NDUFAF7: variants seen among roughly 807,000 people sequenced by gnomAD.
The protein encoded by NDUFAF7 is NADH:ubiquinone oxidoreductase complex assembly factor 7, also known as protein arginine methyltransferase NDUFAF7, mitochondrial.
A neutral mutation model predicts 47.2 loss-of-function variants in NDUFAF7; 48 were observed. That is an observed-to-expected ratio of 1.02 (90% confidence interval 0.81 to 1.29). NDUFAF7 has a LOEUF of 1.29. Among genes scored for constraint, NDUFAF7 ranks in the 50% most tolerant of loss-of-function variants. NDUFAF7 has a pLI of 0.00. For missense variants in NDUFAF7, 635 were observed against 537.6 expected (o/e 1.18, Z -1.79); for synonymous variants, 217 against 190.0 (o/e 1.14, Z -1.17).
At chr2:37,244,085 T>A in intron 7 of NDUFAF7, 112 bp downstream of exon 7, 1 of 915,072 alleles carries the variant, frequency 1.1e-6, no homozygotes, top group Non-Finnish European at 1.7e-6. Context: ...GAGTTGCTAG[T>A]AGCATACGAG....
At chr2:37,244,668 T>C (rs1176122405) in intron 7 of NDUFAF7, among the ~76,000 whole-genome samples, 1 of 152,190 alleles carries the variant, frequency 6.6e-6, no homozygotes, top group African/African-American at 2.4e-5. Context: ...TTTTACTTTC[T>C]GGACCTTAAC....
At chr2:37,231,783 C>G (rs764577742) in intron 1 of NDUFAF7, 23 bp downstream of exon 1, 1 of 1,614,032 alleles carries the variant, frequency 6.2e-7, no homozygotes, top group Non-Finnish European at 8.5e-7. Context: ...CCCCTCGAAG[C>G]CCGGTTGCCG....
downstream of NDUFAF7, among the ~76,000 whole-genome samples, chr2:37,249,574 C>G (rs779087527): frequency 0.049 from 6,806 of 138,394 alleles, 667 homozygotes; most frequent in East Asian, 0.32. Flanking sequence ...CACACACACA[C>G]ACACACACAC....
chr2:37,244,114 G>GA, intron 7 of NDUFAF7, 141 bp downstream of exon 7: 1 of 726,982 alleles, frequency 1.4e-6, no homozygotes, highest in Non-Finnish European at 2.3e-6. Flanking sequence ...TATTGACAGT[G>GA]AAAGTGCAGA....
Position 37,241,701 on chromosome 2 carries a change from C to T in NDUFAF7, c.532C>T (p.Arg178Ter), listed in dbSNP as rs372572353. ...GACTAAAGAGAAGGTCCCGTTAGAGCGAAATGCTGGATCCCCAGTGTATAT... is the reference window on the plus strand; with the variant it reads ...GACTAAAGAGAAGGTCCCGTTAGAGTGAAATGCTGGATCCCCAGTGTATAT... ...TLTKEKVPLE[R>*]NAGSPVYMKG... The change falls in exon 5 of 10, where the codon CGA becomes TGA. Residue 178 changes from arginine (R) to a stop codon, truncating the protein, a stop_gained. Coordinates refer to ENST00000002125, the MANE Select transcript of NDUFAF7 (RefSeq NM_144736.5). LOFTEE classifies it high-confidence loss of function. The T allele has an allele frequency of 4.7e-5, 76 of 1,613,710 alleles. No homozygotes were observed. The highest frequency in any genetic ancestry group is 2.3e-4 in the South Asian group (21 of 91,070).
At chr2:37,247,052 T>C (rs749734988) in intron 8 of NDUFAF7, among the ~76,000 whole-genome samples, 4 of 152,090 alleles carry the variant, frequency 2.6e-5, no homozygotes, top group Non-Finnish European at 4.4e-5. Flanking sequence ...CCCCTCCTCC[T>C]GTCTCCCCTC....
the NDUFAF7 span, chr2:37,260,347 A>G: frequency 2.5e-6 from 4 of 1,612,018 alleles, no homozygotes; most frequent in Non-Finnish European, 3.4e-6. Flanking sequence ...GGTTTCAAAC[A>G]TACATTCCAG....
At chr2:37,256,364 G>A (rs1402383381), downstream of NDUFAF7, among the ~76,000 whole-genome samples, 1 of 152,160 alleles carries the variant, frequency 6.6e-6, no homozygotes, top group Non-Finnish European at 1.5e-5. Flanking sequence ...TAGTGACTAG[G>A]AAGGACCAGA....
Position 37,237,759 on chromosome 2 carries a change from A to T in NDUFAF7, c.300A>T (p.Leu100=). 1 of 1,590,986 alleles carries T rather than the reference A, an allele frequency of 6.3e-7. No homozygotes were observed. The highest frequency in any genetic ancestry group is 8.6e-7 in the Non-Finnish European group (1 of 1,159,414). Residue 100 remains leucine (L), a splice_region_variant and synonymous_variant, in exon 4 of 10, where the codon CTA becomes CTT. Coordinates refer to ENST00000002125, the MANE Select transcript of NDUFAF7 (RefSeq NM_144736.5). The part of the protein sequence containing the change: ...SPEISQIFGE[L]LGIWFISEWM... ...GTTTTTTTTTTCCCTTTTCACAGCT[A>T]CTAGGTATATGGTTCATTAGTGAAT...
chr2:37,241,912 A>C, intron 5 of NDUFAF7, 121 bp downstream of exon 5: 8 of 842,156 alleles, frequency 9.5e-6, no homozygotes, highest in Non-Finnish European at 1.5e-5. Context: ...TCCCTTATCC[A>C]TAGAGAGTAG....
chr2:37,247,344 C>T, intron 8 of NDUFAF7, 112 bp from the exon 9 acceptor site: 1 of 1,297,020 alleles, frequency 7.7e-7, no homozygotes, highest in Admixed American at 1.9e-5. Flanking sequence ...AATGAGAGCT[C>T]TATTCCGTCA....
chr2:37,269,337 C>T, the NDUFAF7 span: 1 of 392,284 alleles, frequency 2.5e-6, no homozygotes. Flanking sequence ...AACCATCTCC[C>T]CCCCTGCCTC....
chr2:37,267,447 C>T, the NDUFAF7 span: 1 of 1,601,156 alleles, frequency 6.2e-7, no homozygotes, highest in Non-Finnish European at 8.5e-7. Context: ...ATAGCCACTT[C>T]ATTACGGAGT....
At chr2:37,269,338 C>T in the NDUFAF7 span, 1 of 395,408 alleles carries the variant, frequency 2.5e-6, no homozygotes, top group South Asian at 2.8e-5. Context: ...ACCATCTCCC[C>T]CCCTGCCTCC....
chr2:37,254,734 C>T (rs1667798984), downstream of NDUFAF7, among the ~76,000 whole-genome samples: 1 of 152,136 alleles, frequency 6.6e-6, no homozygotes, highest in Admixed American at 6.5e-5. Context: ...TCTGATCCTC[C>T]CCACCCCGCT....
At chr2:37,234,655 T>C (rs1482848305) in intron 2 of NDUFAF7, among the ~76,000 whole-genome samples, 2 of 151,278 alleles carry the variant, frequency 1.3e-5, no homozygotes, top group Non-Finnish European at 2.9e-5. Flanking sequence ...AAAATGGGAG[T>C]GACTTGATTT....
chr2:37,259,733 C>T, the NDUFAF7 span: 2 of 1,194,756 alleles, frequency 1.7e-6, no homozygotes, highest in South Asian at 1.3e-5. Context: ...ACAAGTAAAC[C>T]TCATGTGACT....
Position 37,247,537 on chromosome 2 carries a change from T to C in NDUFAF7, c.1018T>C (p.Leu340=). 1 of 1,614,092 alleles carries C rather than the reference T, an allele frequency of 6.2e-7. No homozygotes were observed. Among genetic ancestry groups the C allele is most frequent in the Non-Finnish European group, 8.5e-7 (1 of 1,179,996 alleles). ...AACAGCTGATGTGGACTTCAGTTATTTGCGAAGAATGGCACAGGGAAAAGT... is the reference window on the plus strand; with the variant it reads ...AACAGCTGATGTGGACTTCAGTTATCTGCGAAGAATGGCACAGGGAAAAGT... ...DLTADVDFSY[L]RRMAQGKVAS... The change falls in exon 9 of 10, where the codon TTG becomes CTG. Residue 340 remains leucine, a synonymous_variant. Transcript: ENST00000002125.
rs1352139109 is a variant in NDUFAF7 at position 37,241,429 on chromosome 2, A to G, written c.409-149A>G. On this transcript the variant is annotated intron_variant, in intron 4 of 9. Transcript: ENST00000002125. Reference sequence around the variant, plus strand: ...TAATAACTAGTAGGTTAGGATTCTTATAGACTGCTGGAGAGTGGCTTGGGT... The same window carrying G: ...TAATAACTAGTAGGTTAGGATTCTTGTAGACTGCTGGAGAGTGGCTTGGGT... 12 of 674,934 alleles carry G rather than the reference A, an allele frequency of 1.8e-5. No homozygotes were observed. In the African/African-American group the frequency reaches 1.8e-4, roughly 10 times the overall value. 41.8% of individuals were successfully genotyped at this position (674,934 alleles called of 1,614,324 possible). A position where few individuals can be genotyped will look rare whatever the true frequency, so the allele number is the denominator to read the frequency against.
Sources: gnomAD v4.1 joint callset for allele counts (sites outside exome capture counted in the v4.1 genomes callset) on GRCh38, gnomAD v4.1.1 for gene constraint, MANE v1.5 for transcripts, NCBI Gene and HGNC (gene_info 2026-07-23, HGNC 2026-07-21) for gene names.